Variants in FOXO1 observed in about 807,000 individuals in gnomAD.
The protein encoded by FOXO1 is forkhead box protein O1.
Under a neutral mutation model 44.1 loss-of-function variants are expected in FOXO1, and 6 were observed. That is an observed-to-expected ratio of 0.14 (90% CI 0.07 to 0.27). FOXO1 has a LOEUF of 0.27. Among genes scored for constraint, FOXO1 ranks in the 10% least tolerant of loss-of-function variants. The pLI is 1.00. For synonymous variants in FOXO1, 380 were observed against 362.7 expected, an observed-to-expected ratio of 1.05 and a Z score of -0.54; for missense variants, 737 against 888.8, an observed-to-expected ratio of 0.83 and a Z score of 2.17.
At chr13:40,616,590 G>A (rs1021321270) in intron 1 of FOXO1, among the ~76,000 whole-genome samples, 8 of 152,198 alleles carry the variant, frequency 5.3e-5, no homozygotes, top group Admixed American at 2.0e-4. Context: ...TAGCAGCAGC[G>A]GGAGTGGCCT....
At chr13:40,567,108 T>C (rs1291294751) in intron 1 of FOXO1, among the ~76,000 whole-genome samples, 1 of 152,062 alleles carries the variant, frequency 6.6e-6, no homozygotes, top group Non-Finnish European at 1.5e-5. Context: ...ATCTAGCCTG[T>C]CCCTCAGCCT....
At position 40,658,229 on chromosome 13, in the gene FOXO1, C is replaced by T. The variant is rs562167146; in HGVS notation, c.630+7354G>A. 5.9e-5 allele frequency among the ~76,000 whole-genome samples: 9 copies of T among 152,190 alleles called. No homozygotes were observed. The South Asian group carries it at 1.5e-3, about 25-fold the overall frequency. On this transcript the variant is annotated intron_variant, in intron 1 of 2. Coordinates refer to ENST00000379561, the MANE Select transcript of FOXO1 (RefSeq NM_002015.4). ...ATGATCTAAGCTCTGGGGACAGGAG[C>T]GTCTAGGCCTGAAATACTAAAAGCT... is the stretch of plus-strand genomic sequence containing the variant.
intron 1 of FOXO1, among the ~76,000 whole-genome samples, chr13:40,606,011 G>A (rs538563651): frequency 2.6e-4 from 39 of 152,198 alleles, no homozygotes; most frequent in African/African-American, 9.4e-4. Context: ...CAATAATGTA[G>A]TGGAATTTAC....
chr13:40,619,949 G>C (rs1876553552), intron 1 of FOXO1: 3 of 677,492 alleles, frequency 4.4e-6, no homozygotes, highest in East Asian at 5.2e-5. Context: ...GGGCCAATAA[G>C]ATCTACTATA....
chr13:40,609,093 T>G lies in FOXO1; in HGVS notation c.631-48233A>C, dbSNP rs115817883. On this transcript the variant is annotated intron_variant, in intron 1 of 2. Coordinates refer to ENST00000379561, the MANE Select transcript of FOXO1 (RefSeq NM_002015.4). The stretch of plus-strand genomic sequence containing the variant: ...TGTAAATGTCCTTCAATTGTGCCAT[T>G]TTCCCATTCCAGCACACAGCTCAAT... 1.5e-3 allele frequency among the ~76,000 whole-genome samples: 228 copies of G among 152,314 alleles called. 1 individual carries two copies. The highest frequency in any genetic ancestry group is 5.1e-3 in the African/African-American group (214 of 41,562).
intron 1 of FOXO1, among the ~76,000 whole-genome samples, chr13:40,595,489 T>C (rs1023168067): frequency 6.6e-6 from 1 of 152,110 alleles, no homozygotes. Context: ...AACTGACACA[T>C]GATAATTAAA....
chr13:40,563,759 C>CCA (rs1295240169), intron 1 of FOXO1, among the ~76,000 whole-genome samples: 1 of 152,010 alleles, frequency 6.6e-6, no homozygotes, highest in South Asian at 2.1e-4. Flanking sequence ...TGGGAAGGCG[C>CCA]CACACACACA....
At chr13:40,583,361 C>T (rs891718875) in intron 1 of FOXO1, among the ~76,000 whole-genome samples, 2 of 152,192 alleles carry the variant, frequency 1.3e-5, no homozygotes, top group African/African-American at 2.4e-5. Flanking sequence ...AGCTGCATTA[C>T]CCCCCTAATA....
intron 1 of FOXO1, among the ~76,000 whole-genome samples, chr13:40,584,011 T>C (rs989942075): frequency 1.3e-5 from 2 of 152,082 alleles, no homozygotes; most frequent in Non-Finnish European, 2.9e-5. Context: ...GTAGAAGCCA[T>C]TGTGGGGGTT....
chr13:40,648,897 G>C (rs1298547926), intron 1 of FOXO1, among the ~76,000 whole-genome samples: 1 of 152,154 alleles, frequency 6.6e-6, no homozygotes, highest in Admixed American at 6.6e-5. Context: ...AGGTTCATTT[G>C]CACAATAAAC....
intron 1 of FOXO1, among the ~76,000 whole-genome samples, chr13:40,664,826 C>A (rs1366274576): frequency 6.6e-6 from 1 of 151,634 alleles, no homozygotes; most frequent in Non-Finnish European, 1.5e-5. Context: ...CCACCGCCAC[C>A]GCCACCGCCC....
At chr13:40,620,235 G>A (rs1165582401) in intron 1 of FOXO1, 6 of 1,547,828 alleles carry the variant, frequency 3.9e-6, no homozygotes, top group East Asian at 2.3e-5. Flanking sequence ...ACCTTCAAGT[G>A]AGAAGGATCC....
chr13:40,648,076 A>AT lies in FOXO1; in HGVS notation c.630+17506dup, dbSNP rs558878972. Reference sequence around the variant, plus strand: ...AGTCACCAGTGCATAAGAAAATACAATTTTTTTTTTATCTTGTTAGTCTGC... The same window carrying AT: ...AGTCACCAGTGCATAAGAAAATACAATTTTTTTTTTTATCTTGTTAGTCTGC... On this transcript the variant is annotated intron_variant, in intron 1 of 2. Coordinates refer to ENST00000379561, the MANE Select transcript of FOXO1 (RefSeq NM_002015.4). 1.1e-4 allele frequency among the ~76,000 whole-genome samples: 16 copies of AT among 150,704 alleles called. No homozygotes were observed. The South Asian group carries it at 1.5e-3, about 14-fold the overall frequency.
At chr13:40,621,116 A>G in intron 1 of FOXO1, 1 of 326,756 alleles carries the variant, frequency 3.1e-6, no homozygotes, top group Admixed American at 3.6e-5. Context: ...GATTTAACCA[A>G]AGAGCAGACT....
At chr13:40,599,043 G>A (rs1875709520) in intron 1 of FOXO1, among the ~76,000 whole-genome samples, 1 of 151,944 alleles carries the variant, frequency 6.6e-6, no homozygotes, top group Non-Finnish European at 1.5e-5. Flanking sequence ...TTTGGGGGAA[G>A]GGAGAATTGC....
intron 1 of FOXO1, among the ~76,000 whole-genome samples, chr13:40,561,126 G>A (rs1346810505): frequency 6.6e-6 from 1 of 152,142 alleles, no homozygotes; most frequent in Non-Finnish European, 1.5e-5. Context: ...GCCCAGGCAA[G>A]CGGATCATGA....
At position 40,559,803 on chromosome 13, in the gene FOXO1, T is replaced by A. The variant is rs201186715; in HGVS notation, c.1688A>T (p.Gln563Leu). Residue 563 changes from glutamine to leucine, a missense_variant, in exon 2 of 3, where the codon CAA becomes CTA. Around this residue, in one of 7 missense-constraint regions of FOXO1, gnomAD observed 283 missense variants for 278.1 expected, o/e 1.02. Transcript: ENST00000379561. ...NRLTQVKTPVQVPLPHPMQMS... is the reference protein window; with the variant it reads ...NRLTQVKTPVLVPLPHPMQMS... ...CTGCATGGGGTGGGGCAGAGGCACT[T>A]GTACAGGTGTCTTCACTTGGGTCAG... 6.2e-7 allele frequency: 1 copy of A among 1,613,812 alleles called. No homozygotes were observed. Among genetic ancestry groups the A allele is most frequent in the Non-Finnish European group, 8.5e-7 (1 of 1,179,946 alleles).
chr13:40,660,943 C>T (rs1264046303), intron 1 of FOXO1, among the ~76,000 whole-genome samples: 1 of 130,194 alleles, frequency 7.7e-6, no homozygotes, highest in South Asian at 2.8e-4. Context: ...GACCCTGGCT[C>T]AGAAAAACAA....
At chr13:40,572,125 C>T (rs1874544587) in intron 1 of FOXO1, among the ~76,000 whole-genome samples, 1 of 152,186 alleles carries the variant, frequency 6.6e-6, no homozygotes, top group Non-Finnish European at 1.5e-5. Context: ...CAGTGAAAAA[C>T]TTTATGGATA....
Sources: allele counts gnomAD v4.1 joint callset (sites outside exome capture counted in the v4.1 genomes callset), GRCh38; gene constraint gnomAD v4.1.1; regional missense constraint gnomAD v4.1.1; transcripts MANE v1.5; gene names NCBI Gene and HGNC (gene_info 2026-07-23, HGNC 2026-07-21).